Variants in SAP18 observed in about 807,000 individuals in gnomAD.
SAP18 encodes the protein Sin3A associated protein 18.
SAP18 carries 4 observed loss-of-function variants against 18.6 expected under a neutral mutation model. The ratio of observed to expected loss-of-function variants is 0.21; its 90% CI spans 0.11 to 0.49. The LOEUF (loss-of-function observed/expected upper bound fraction) is 0.49, where lower values mean the gene tolerates loss of function less well. Among genes scored for constraint, SAP18 ranks in the 20% least tolerant of loss-of-function variants. The pLI, the probability that SAP18 is intolerant of heterozygous loss-of-function variation, is 0.98. For synonymous variants in SAP18, 112 were observed against 82.8 expected (o/e 1.35, Z -1.92); for missense variants, 170 against 226.4 (o/e 0.75, Z 1.60).
exon 4 of SAP18, chr13:21,148,784 A>AT (rs1869745802): frequency 6.6e-6 from 1 of 152,122 alleles, no homozygotes; most frequent in Non-Finnish European, 1.5e-5. Context: ...GAACCCTATG[A>AT]TTTACTATGC....
intron 2 of SAP18, among the ~76,000 whole-genome samples, chr13:21,142,097 G>T (rs1869489687): frequency 6.7e-6 from 1 of 150,234 alleles, no homozygotes; most frequent in Non-Finnish European, 1.5e-5. Flanking sequence ...GACCAGTCTG[G>T]CCAGCGTGAT....
intron 2 of SAP18, among the ~76,000 whole-genome samples, chr13:21,146,208 G>A (rs1043445818): frequency 3.3e-5 from 5 of 152,144 alleles, no homozygotes; most frequent in African/African-American, 1.2e-4. Context: ...TTACCTGGGC[G>A]TGGTGGTGGG....
intron 2 of SAP18, among the ~76,000 whole-genome samples, chr13:21,144,011 A>T (rs778456899): frequency 6.6e-6 from 1 of 152,212 alleles, no homozygotes; most frequent in Non-Finnish European, 1.5e-5. Context: ...GAAGTTATGG[A>T]AACAGGAGTG....
exon 4 of SAP18, chr13:21,149,060 A>G (rs781533023): frequency 7.1e-6 from 1 of 140,210 alleles, no homozygotes; most frequent in African/African-American, 3.3e-5. Flanking sequence ...TAAAATAGAA[A>G]TAAATAAGTA....
intron 2 of SAP18, among the ~76,000 whole-genome samples, chr13:21,143,161 T>A (rs1254893162): frequency 2.0e-5 from 3 of 152,214 alleles, no homozygotes; most frequent in Non-Finnish European, 4.4e-5. Flanking sequence ...CCATTGTGAA[T>A]AATGCTGCTG....
chr13:21,140,382 G>A (rs534581179), upstream of SAP18: 949 of 647,356 alleles, frequency 1.5e-3, 2 homozygotes, highest in Admixed American at 2.6e-3. Context: ...CGGACGCTAA[G>A]CACCTCCTCC....
exon 1 of SAP18, chr13:21,140,621 G>A (rs1869423646): frequency 1.2e-6 from 2 of 1,612,462 alleles, no homozygotes; most frequent in East Asian, 2.2e-5. Flanking sequence ...TGGCGGTGGA[G>A]TCGCGCGTTA....
chr13:21,146,677 T>TAAGA (rs1389819522), intron 2 of SAP18, 128 bp from the exon 3 acceptor site: 1 of 715,436 alleles, frequency 1.4e-6, no homozygotes, highest in East Asian at 3.0e-5. Flanking sequence ...ATCTCTAGTA[T>TAAGA]AAGACCCTGG....
upstream of SAP18, among the ~76,000 whole-genome samples, chr13:21,140,189 C>T (rs1469402737): frequency 1.3e-5 from 2 of 152,226 alleles, no homozygotes; most frequent in Admixed American, 1.3e-4. Flanking sequence ...CCTCTTCCGG[C>T]TTACCTCAGG....
At chr13:21,145,681 T>C (rs918194934) in intron 2 of SAP18, among the ~76,000 whole-genome samples, 3 of 152,114 alleles carry the variant, frequency 2.0e-5, no homozygotes, top group Non-Finnish European at 4.4e-5. Flanking sequence ...CCTGGCTAAT[T>C]TTTGGATTTT....
exon 4 of SAP18, chr13:21,149,038 T>C (rs190820843): frequency 8.6e-5 from 13 of 151,936 alleles, no homozygotes; most frequent in African/African-American, 2.9e-4. Context: ...AACTGAGCTG[T>C]TTCCCCGCAT....
chr13:21,146,008 C>T (rs1565986843), intron 2 of SAP18, among the ~76,000 whole-genome samples: 1 of 152,164 alleles, frequency 6.6e-6, no homozygotes, highest in East Asian at 1.9e-4. Context: ...GGCTCTAGTA[C>T]TCTTATCTGT....
intron 2 of SAP18, 51 bp downstream of exon 2, chr13:21,141,046 C>T (rs1869449161): frequency 8.9e-7 from 1 of 1,128,830 alleles, no homozygotes; most frequent in Non-Finnish European, 1.3e-6. Flanking sequence ...CCTGGAACAA[C>T]AGTTAATTGC....
chr13:21,140,454 T>G (rs1869403376), upstream of SAP18: 1 of 1,372,916 alleles, frequency 7.3e-7, no homozygotes, highest in Admixed American at 2.6e-5. Flanking sequence ...TCCGGCTCGC[T>G]CACCACGCAC....
At chr13:21,147,117 A>G in intron 3 of SAP18, 69 bp from the exon 4 acceptor site, 1 of 1,512,840 alleles carries the variant, frequency 6.6e-7, no homozygotes, top group African/African-American at 1.4e-5. Context: ...CCAGTGCCAT[A>G]TTCACTTTGT....
rs1424222723 is a variant in SAP18 at position 21,143,131 on chromosome 13, G to C, written c.239+2136G>C. ...TGTACTCATCTATTGATGGACACTT[G>C]GGTTGTTTCACCTTTTTTGCCATTG... On this transcript the variant is annotated intron_variant, in intron 2 of 3. Coordinates refer to ENST00000621421, the Ensembl canonical transcript of SAP18. Among the ~76,000 whole-genome samples the C allele has an allele frequency of 3.9e-5, 6 of 152,264 alleles. No individual in the cohort carries two copies. In the East Asian group the frequency reaches 5.8e-4, roughly 15 times the overall value.
chr13:21,140,348 T>C (rs771163442), upstream of SAP18, among the ~76,000 whole-genome samples: 2 of 152,180 alleles, frequency 1.3e-5, no homozygotes, highest in Non-Finnish European at 2.9e-5. Context: ...GAAAAAAACA[T>C]CCCGGCAACC....
upstream of SAP18, chr13:21,140,472 C>A: frequency 6.9e-7 from 1 of 1,454,832 alleles, no homozygotes; most frequent in Non-Finnish European, 9.2e-7. Flanking sequence ...CACGGAAGTG[C>A]GCCTGCGCCA....
chr13:21,140,695 C>T lies in SAP18; in HGVS notation c.129+14C>T. 6.2e-7 allele frequency: 1 copy of T among 1,608,308 alleles called. No homozygotes were observed. Among genetic ancestry groups the T allele is most frequent in the Non-Finnish European group, 8.5e-7 (1 of 1,176,898 alleles). On this transcript the variant is annotated intron_variant, in intron 1 of 3. Coordinates refer to ENST00000621421, the Ensembl canonical transcript of SAP18. The stretch of plus-strand genomic sequence containing the variant: ...GACCGCGAGAAGGTGAAGGCCCCCT[C>T]CGCTTTGGGGTCCGGGAAGAGGTTG...
Sources: allele counts gnomAD v4.1 joint callset (sites outside exome capture counted in the v4.1 genomes callset), GRCh38; gene constraint gnomAD v4.1.1; transcripts MANE v1.5; gene names NCBI Gene and HGNC (gene_info 2026-07-23, HGNC 2026-07-21).